The following RYR2 variants were observed in gnomAD, a reference collection of about 807,000 sequenced individuals.
The protein encoded by RYR2 is cardiac muscle ryanodine receptor-calcium release channel.
Under a neutral mutation model 601.1 loss-of-function variants are expected in RYR2, and 227 were observed. The observed-to-expected ratio is 0.38, with a 90% CI of 0.34 to 0.42. The LOEUF (loss-of-function observed/expected upper bound fraction) is 0.42. RYR2 is among the 10% of genes least tolerant of loss of function. The pLI is 1.00. For missense variants in RYR2, 4,646 were observed against 6,156.5 expected, an observed-to-expected ratio of 0.75 and a Z score of 8.21; for synonymous variants, 2,223 against 2,175.1, an observed-to-expected ratio of 1.02 and a Z score of -0.61.
chr1:237,105,900 ATAG>A (rs1438372530), intron 1 of RYR2, among the ~76,000 whole-genome samples: 1 of 151,454 alleles, frequency 6.6e-6, no homozygotes, highest in Non-Finnish European at 1.5e-5. Flanking sequence ...TCTCTTTGAG[ATAG>A]TAGCAGTTGA....
At chr1:237,274,033 A>T (rs1689994399) in intron 2 of RYR2, among the ~76,000 whole-genome samples, 1 of 143,756 alleles carries the variant, frequency 7.0e-6, no homozygotes, top group South Asian at 2.1e-4. Context: ...ATTTTATATT[A>T]TATATAATAT....
At chr1:237,487,497 C>T (rs1373967978) in intron 17 of RYR2, among the ~76,000 whole-genome samples, 2 of 144,674 alleles carry the variant, frequency 1.4e-5, no homozygotes, top group Non-Finnish European at 3.0e-5. Flanking sequence ...GGGAGGATTG[C>T]TTGAGCCCAG....
chr1:237,208,236 A>G (rs544796464), intron 1 of RYR2, among the ~76,000 whole-genome samples: 31 of 152,338 alleles, frequency 2.0e-4, no homozygotes, highest in African/African-American at 7.5e-4. Flanking sequence ...AGAGACAAAA[A>G]CAGGTGCTAT....
intron 2 of RYR2, among the ~76,000 whole-genome samples, chr1:237,329,130 G>T (rs1696457187): frequency 1.3e-5 from 2 of 152,216 alleles, no homozygotes; most frequent in South Asian, 4.1e-4. Flanking sequence ...AGAAAAGAAA[G>T]AAATGCATTC....
chr1:237,572,164 G>A (rs1221083569), intron 29 of RYR2, among the ~76,000 whole-genome samples: 2 of 152,090 alleles, frequency 1.3e-5, no homozygotes, highest in African/African-American at 4.8e-5. Context: ...TGGTTTTAGG[G>A]ATGTCAAAGT....
At chr1:237,509,507 A>G (rs1029087142) in intron 23 of RYR2, among the ~76,000 whole-genome samples, 3 of 152,168 alleles carry the variant, frequency 2.0e-5, no homozygotes, top group African/African-American at 7.2e-5. Context: ...TTTGGGATAT[A>G]TTTCCCAGGA....
chr1:237,356,430 CTT>C (rs35812890), intron 4 of RYR2, among the ~76,000 whole-genome samples: 41 of 144,946 alleles, frequency 2.8e-4, no homozygotes, highest in Middle Eastern at 3.5e-3. Flanking sequence ...GTCATAGAAC[CTT>C]TTTTTTTTTT....
intron 19 of RYR2, among the ~76,000 whole-genome samples, chr1:237,495,395 G>T (rs1401004108): frequency 1.3e-5 from 2 of 152,116 alleles, no homozygotes; most frequent in Non-Finnish European, 1.5e-5. Flanking sequence ...GATACAGCTG[G>T]TTTTTTTCTT....
chr1:237,288,451 T>A (rs893189123), intron 2 of RYR2, among the ~76,000 whole-genome samples: 3 of 151,710 alleles, frequency 2.0e-5, no homozygotes, highest in Admixed American at 6.6e-5. Flanking sequence ...GCTAGGCACG[T>A]TTGAGCTCAG....
intron 42 of RYR2, 71 bp from the exon 43 acceptor site, chr1:237,633,507 A>T: frequency 6.3e-7 from 1 of 1,577,610 alleles, no homozygotes; most frequent in Non-Finnish European, 8.7e-7. Context: ...TGTGATTGAG[A>T]CCTCAACGTA....
intron 90 of RYR2, among the ~76,000 whole-genome samples, chr1:237,785,581 T>C (rs1695483648): frequency 6.6e-6 from 1 of 152,114 alleles, no homozygotes; most frequent in South Asian, 2.1e-4. Flanking sequence ...GGCAGGGCAG[T>C]AGGGGTTGCT....
intron 70 of RYR2, among the ~76,000 whole-genome samples, chr1:237,710,147 G>C (rs1488362451): frequency 6.6e-6 from 1 of 151,974 alleles, no homozygotes; most frequent in Non-Finnish European, 1.5e-5. Flanking sequence ...TTTTAAACCT[G>C]GAAAAGATTT....
At chr1:237,702,162 C>A in intron 66 of RYR2, 103 bp downstream of exon 66, 2 of 686,040 alleles carry the variant, frequency 2.9e-6, no homozygotes, top group South Asian at 1.8e-5. Context: ...TAGTTATAAA[C>A]TAAACCGGAT....
At chr1:237,502,762 G>A (rs1664798941) in intron 21 of RYR2, among the ~76,000 whole-genome samples, 1 of 151,748 alleles carries the variant, frequency 6.6e-6, no homozygotes, top group Admixed American at 6.6e-5. Context: ...TGGGGGTTGG[G>A]GCCCCTGCTT....
intron 96 of RYR2, among the ~76,000 whole-genome samples, chr1:237,796,619 A>G (rs1278063627): frequency 6.6e-6 from 1 of 151,952 alleles, no homozygotes; most frequent in African/African-American, 2.4e-5. Flanking sequence ...TTCCTTCTTC[A>G]TTCACTTCAA....
Position 237,832,548 on chromosome 1 carries a change from G to A in RYR2, c.14809-4G>A, listed in dbSNP as rs1574134275. 1 of 1,593,718 alleles carries A rather than the reference G, an allele frequency of 6.3e-7. No individual in the cohort carries two copies. Among genetic ancestry groups the A allele is most frequent in the South Asian group, 1.1e-5 (1 of 89,726 alleles). On this transcript the variant is annotated splice_region_variant and splice_polypyrimidine_tract_variant and intron_variant, in intron 104 of 104. Transcript: ENST00000366574. ...ATGTTAATACATTTCCTTGACTTTT[G>A]CAGGAATCTTATGTCTGGAAGATGT... is the stretch of plus-strand genomic sequence containing the variant.
intron 2 of RYR2, among the ~76,000 whole-genome samples, chr1:237,297,330 ATAAC>A (rs1364910889): frequency 6.6e-6 from 1 of 152,202 alleles, no homozygotes; most frequent in African/African-American, 2.4e-5. Context: ...ATGCTCCACT[ATAAC>A]AAACTGCAGG....
intron 1 of RYR2, among the ~76,000 whole-genome samples, chr1:237,166,418 A>G (rs1041273723): frequency 2.0e-5 from 3 of 152,212 alleles, no homozygotes; most frequent in Admixed American, 6.5e-5. Flanking sequence ...GGATCTTTTG[A>G]AATTTGAGAT....
At chr1:237,572,186 G>A (rs1672771167) in intron 29 of RYR2, among the ~76,000 whole-genome samples, 1 of 152,164 alleles carries the variant, frequency 6.6e-6, no homozygotes, top group Admixed American at 6.5e-5. Context: ...TTAGTGGGAA[G>A]GTAGGAGGAA....
Sources: allele counts gnomAD v4.1 joint callset (sites outside exome capture counted in the v4.1 genomes callset), GRCh38; gene constraint gnomAD v4.1.1; transcripts MANE v1.5; gene names NCBI Gene and HGNC (gene_info 2026-07-23, HGNC 2026-07-21).